SPEN: variants seen among roughly 807,000 people sequenced by gnomAD.
The protein encoded by SPEN is msx2-interacting protein.
A neutral mutation model predicts 269.9 loss-of-function variants in SPEN; 18 were observed. The ratio of observed to expected loss-of-function variants is 0.07; its 90% CI spans 0.05 to 0.10. The LOEUF is 0.10. SPEN is among the 10% of genes least tolerant of loss of function. The pLI is 1.00. For synonymous variants in SPEN, 1,726 were observed against 1,765.7 expected (o/e 0.98, Z 0.56); for missense variants, 3,822 against 4,631.2 (o/e 0.83, Z 5.07).
chr1:15,868,182 T>C (rs192741024), intron 1 of SPEN, among the ~76,000 whole-genome samples: 103 of 150,932 alleles, frequency 6.8e-4, no homozygotes, highest in Non-Finnish European at 4.1e-4. Flanking sequence ...TATATACATA[T>C]ATATTTATAG....
intron 1 of SPEN, among the ~76,000 whole-genome samples, chr1:15,867,848 T>C (rs2070530384): frequency 1.3e-5 from 2 of 152,162 alleles, no homozygotes; most frequent in South Asian, 4.1e-4. Context: ...TGTATCTCTC[T>C]CTGTATCCGT....
intron 1 of SPEN, among the ~76,000 whole-genome samples, chr1:15,857,803 G>A (rs548517626): frequency 6.6e-6 from 1 of 152,128 alleles, no homozygotes; most frequent in Admixed American, 6.5e-5. Context: ...TGGGACTATA[G>A]GCATGAGCCA....
rs867682035 is a variant in SPEN, at chr1:15,932,029, C to T, written c.5789C>T (p.Thr1930Ile). ...VKEPVEQPRV[T>I]RKRLERELQE... The stretch of plus-strand genomic sequence containing the variant: ...GAGCCCGTTGAGCAACCAAGAGTGA[C>T]CAGAAAGAGATTGGAGCGAGAGCTT... Residue 1930 changes from threonine to isoleucine, a missense_variant, in exon 11 of 15, where the codon ACC becomes ATC. Physicochemically the swap from Thr to Ile is moderately conservative, Grantham distance 89 (BLOSUM62 -1). Coordinates refer to ENST00000375759, the MANE Select transcript of SPEN (RefSeq NM_015001.3). The surrounding 1 kb of genome is among the most constrained non-coding windows in gnomAD (Gnocchi z 4.2). The T allele has an allele frequency of 9.3e-6, 15 of 1,614,046 alleles. No homozygotes were observed. Among genetic ancestry groups the T allele is most frequent in the Non-Finnish European group, 1.2e-5 (14 of 1,180,048 alleles).
At chr1:15,872,067 T>C (rs1177044075) in intron 1 of SPEN, among the ~76,000 whole-genome samples, 3 of 151,554 alleles carry the variant, frequency 2.0e-5, no homozygotes, top group Admixed American at 6.6e-5. Flanking sequence ...AAACCCCATC[T>C]CTACTAAAAA....
At chr1:15,917,101 G>A (rs1302473381) in intron 6 of SPEN, among the ~76,000 whole-genome samples, 17 of 152,130 alleles carry the variant, frequency 1.1e-4, no homozygotes, top group East Asian at 3.9e-4. Context: ...GTACTCCAGC[G>A]TGGGTGACAG....
intron 1 of SPEN, among the ~76,000 whole-genome samples, chr1:15,866,156 T>C: frequency 6.6e-6 from 1 of 152,116 alleles, no homozygotes; most frequent in East Asian, 1.9e-4. Context: ...TTTCCTTCCC[T>C]CCTCCCATCC....
At chr1:15,868,137 C>A (rs2148708643) in intron 1 of SPEN, among the ~76,000 whole-genome samples, 1 of 150,220 alleles carries the variant, frequency 6.7e-6, no homozygotes, top group Middle Eastern at 3.4e-3. Context: ...CCGGCCCCAG[C>A]TAATTAAAAA....
At chr1:15,853,804 G>T (rs1434843769) in intron 1 of SPEN, among the ~76,000 whole-genome samples, 2 of 152,058 alleles carry the variant, frequency 1.3e-5, no homozygotes, top group Non-Finnish European at 2.9e-5. Flanking sequence ...GAGTAGCTGG[G>T]ATTACAGGCA....
Position 15,937,657 on chromosome 1 carries a change from C to T in SPEN, c.10509+12C>T. ...TTCAACTTCTGAAGGTAAGCATGAGCAGGGGCTGCCCTTCCTGGCCCCCAA... is the reference window on the plus strand; with the variant it reads ...TTCAACTTCTGAAGGTAAGCATGAGTAGGGGCTGCCCTTCCTGGCCCCCAA... On this transcript the variant is annotated intron_variant, in intron 12 of 14. Coordinates refer to ENST00000375759, the MANE Select transcript of SPEN (RefSeq NM_015001.3). This position sits in a 1 kb window ranked among gnomAD's most constrained non-coding sequence, Gnocchi z 5.7. The T allele has an allele frequency of 6.2e-7, 1 of 1,609,642 alleles. No individual in the cohort carries two copies. Among genetic ancestry groups the T allele is most frequent in the East Asian group, 2.2e-5 (1 of 44,770 alleles).
At chr1:15,864,892 G>T (rs527599521) in intron 1 of SPEN, among the ~76,000 whole-genome samples, 23 of 151,666 alleles carry the variant, frequency 1.5e-4, no homozygotes, top group African/African-American at 5.6e-4. Context: ...GGTGGGGAGG[G>T]GTCTTGCTTT....
At chr1:15,884,140 T>G (rs963073091) in intron 3 of SPEN, among the ~76,000 whole-genome samples, 1 of 152,120 alleles carries the variant, frequency 6.6e-6, no homozygotes, top group Non-Finnish European at 1.5e-5. Context: ...ATTAGAATAT[T>G]TAATGAATTC....
At chr1:15,874,456 T>A (rs2070612025) in intron 2 of SPEN, 1 of 1,220,450 alleles carries the variant, frequency 8.2e-7, no homozygotes, top group Non-Finnish European at 1.1e-6. Flanking sequence ...AACTCTCTTT[T>A]TTTCCCCACT....
rs146430628 is a variant in SPEN at position 15,932,252 on chromosome 1, G to A, written c.6012G>A (p.Pro2004=). 99 of 1,611,090 alleles carry A rather than the reference G, an allele frequency of 6.1e-5. 1 individual carries two copies. The highest frequency in any genetic ancestry group is 7.1e-5 in the Non-Finnish European group (84 of 1,179,032). ...AAGGGAAAAAGGGAAAAAATGAACC[G>A]AAGGTGGATGCTACACGTCCTGAGG... The part of the protein sequence containing the change: ...GPQGKKGKNE[P]KVDATRPEAT... The change falls in exon 11 of 15, where the codon CCG becomes CCA. Residue 2004 remains proline, a synonymous_variant. Coordinates refer to ENST00000375759, the MANE Select transcript of SPEN (RefSeq NM_015001.3). The surrounding 1 kb of genome is among the most constrained non-coding windows in gnomAD (Gnocchi z 4.2).
rs375981927 is a variant in SPEN, at chr1:15,932,411, C to T, written c.6171C>T (p.Thr2057=). ...GCACAGACAAAAACCCCCCTGAAACCGCCCCTGTTGAAGTTGTAGAGAAAA... is the reference window on the plus strand; with the variant it reads ...GCACAGACAAAAACCCCCCTGAAACTGCCCCTGTTGAAGTTGTAGAGAAAA... The part of the protein sequence containing the change: ...DAGTDKNPPE[T]APVEVVEKKP... Residue 2057 remains threonine, a synonymous_variant, in exon 11 of 15, where the codon ACC becomes ACT. Transcript: ENST00000375759. The surrounding 1 kb of genome is among the most constrained non-coding windows in gnomAD (Gnocchi z 4.2). 12 of 1,613,854 alleles carry T rather than the reference C, an allele frequency of 7.4e-6. No homozygotes were observed. Among genetic ancestry groups the T allele is most frequent in the Admixed American group, 3.3e-5 (2 of 59,994 alleles).
chr1:15,893,346 C>T (rs1393973145), intron 3 of SPEN, among the ~76,000 whole-genome samples: 1 of 152,078 alleles, frequency 6.6e-6, no homozygotes, highest in East Asian at 1.9e-4. Context: ...TAGGGAGGGG[C>T]AGATTAGCTT....
chr1:15,894,430 AAAG>A (rs1383134790), intron 3 of SPEN, among the ~76,000 whole-genome samples: 1 of 152,112 alleles, frequency 6.6e-6, no homozygotes, highest in Non-Finnish European at 1.5e-5. Context: ...GCCCACCCAA[AAAG>A]AAGTCACATG....
Position 15,935,393 on chromosome 1 carries a change from C to T in SPEN, c.9153C>T (p.Ser3051=), listed in dbSNP as rs750540686. The change falls in exon 11 of 15, where the codon TCC becomes TCT. Residue 3051 remains serine, a synonymous_variant. Coordinates refer to ENST00000375759, the MANE Select transcript of SPEN (RefSeq NM_015001.3). The surrounding 1 kb of genome is among the most constrained non-coding windows in gnomAD (Gnocchi z 7.7). ...HPSSTASTAL[S]TNATVMLAAG... is the part of the protein sequence containing the mutation. ...GCAGTACTGCATCTACGGCGCTCTC[C>T]ACCAACGCCACAGTCATGCTGGCTG... The T allele has an allele frequency of 4.1e-5, 66 of 1,614,106 alleles. No individual in the cohort carries two copies. The South Asian group carries it at 7.1e-4, about 17-fold the overall frequency.
intron 1 of SPEN, among the ~76,000 whole-genome samples, chr1:15,857,414 TG>T: frequency 6.6e-6 from 1 of 152,032 alleles, no homozygotes; most frequent in East Asian, 1.9e-4. Context: ...TGGAGTGCAG[TG>T]GCGTGATCTC....
At position 15,848,824 on chromosome 1, in the gene SPEN, T is replaced by G. The variant is rs1437607806; in HGVS notation, c.83+674T>G. On this transcript the variant is annotated intron_variant, in intron 1 of 14. Transcript: ENST00000375759. This position sits in a 1 kb window ranked among gnomAD's most constrained non-coding sequence, Gnocchi z 5.1. The stretch of plus-strand genomic sequence containing the variant: ...TGGTGCGCCCGTTTGGGCTTCCTCG[T>G]CCCCGGCGGAGGAGACCGCGTCTGA... 6.6e-6 allele frequency among the ~76,000 whole-genome samples: 1 copy of G among 151,784 alleles called. No homozygotes were observed. Among genetic ancestry groups the G allele is most frequent in the African/African-American group, 2.4e-5 (1 of 41,298 alleles).
Sources: allele counts gnomAD v4.1 joint callset (sites outside exome capture counted in the v4.1 genomes callset), GRCh38; gene constraint gnomAD v4.1.1; non-coding constraint Gnocchi (gnomAD v3.1); transcripts MANE v1.5; gene names NCBI Gene and HGNC (gene_info 2026-07-23, HGNC 2026-07-21).